The following PCDHA10 variants were observed in gnomAD, a reference collection of about 807,000 sequenced individuals.
PCDHA10 encodes protocadherin alpha 10, also known as protocadherin alpha-10.
Under a neutral mutation model 61.2 loss-of-function variants are expected in PCDHA10, and 45 were observed. The ratio of observed to expected loss-of-function variants is 0.74; its 90% CI spans 0.58 to 0.94. PCDHA10 has a LOEUF of 0.94. Ranked by LOEUF, PCDHA10 falls within the 40% of genes least tolerant of loss-of-function variation. The pLI is 0.00. For missense variants in PCDHA10, 1,278 were observed against 1,236.2 expected (o/e 1.03, Z -0.51); for synonymous variants, 602 against 548.8 (o/e 1.10, Z -1.35).
intron 1 of PCDHA10, among the ~76,000 whole-genome samples, chr5:140,975,553 G>A (rs990389718): frequency 6.6e-6 from 1 of 152,226 alleles, no homozygotes; most frequent in Non-Finnish European, 1.5e-5. Flanking sequence ...TATTAGGAAG[G>A]AAAAGGAGAT....
At chr5:140,989,060 G>A (rs1233023153) in intron 3 of PCDHA10, 1 of 152,138 alleles carries the variant, frequency 6.6e-6, no homozygotes, top group Non-Finnish European at 1.5e-5. Context: ...CTACATTGAG[G>A]CAATACAGTC....
chr5:141,008,597 C>T (rs1485271666), intron 3 of PCDHA10, among the ~76,000 whole-genome samples: 1 of 152,224 alleles, frequency 6.6e-6, no homozygotes, highest in East Asian at 1.9e-4. Flanking sequence ...GATTTCACCT[C>T]CTCTGGAACC....
At chr5:140,906,502 C>G (rs182726471) in intron 1 of PCDHA10, among the ~76,000 whole-genome samples, 2 of 152,298 alleles carry the variant, frequency 1.3e-5, no homozygotes, top group African/African-American at 4.8e-5. Context: ...ATGTTTTTAA[C>G]AAAGAAGGAG....
chr5:140,872,606 A>T (rs905903091), intron 1 of PCDHA10, among the ~76,000 whole-genome samples: 4 of 151,888 alleles, frequency 2.6e-5, no homozygotes, highest in Non-Finnish European at 4.4e-5. Context: ...TGAAAAAATA[A>T]TTTTTTTTGC....
At chr5:140,871,314 G>C (rs199741530) in intron 1 of PCDHA10, 3 of 1,614,048 alleles carry the variant, frequency 1.9e-6, no homozygotes, top group Admixed American at 3.3e-5. Flanking sequence ...GGAAGCCCAC[G>C]CTGGTGTGCT....
chr5:140,935,144 A>C (rs1289868558), intron 1 of PCDHA10, among the ~76,000 whole-genome samples: 1 of 152,184 alleles, frequency 6.6e-6, no homozygotes, highest in Non-Finnish European at 1.5e-5. Flanking sequence ...TGATACTTAG[A>C]GATATAATCT....
At chr5:140,882,150 C>A in intron 1 of PCDHA10, 1 of 1,501,768 alleles carries the variant, frequency 6.7e-7, no homozygotes, top group Non-Finnish European at 8.9e-7. Context: ...TAGCAGAAAG[C>A]GGAATACCTC....
chr5:140,911,760 A>T (rs1295639313), intron 1 of PCDHA10, among the ~76,000 whole-genome samples: 1 of 151,962 alleles, frequency 6.6e-6, no homozygotes, highest in Non-Finnish European at 1.5e-5. Flanking sequence ...TCTCCATACT[A>T]TTAGAAGTAC....
chr5:140,883,905 G>C (rs781818160), intron 1 of PCDHA10: 1 of 1,613,458 alleles, frequency 6.2e-7, no homozygotes, highest in South Asian at 1.1e-5. Flanking sequence ...CCGCCTCTGG[G>C]CAGCAACGTG....
chr5:140,986,587 C>G (rs1194407522), intron 3 of PCDHA10, among the ~76,000 whole-genome samples: 1 of 152,208 alleles, frequency 6.6e-6, no homozygotes, highest in East Asian at 1.9e-4. Flanking sequence ...TCCAGCTCCT[C>G]TTTCTACATT....
At chr5:140,962,384 A>G (rs1234630298) in intron 1 of PCDHA10, among the ~76,000 whole-genome samples, 7 of 152,202 alleles carry the variant, frequency 4.6e-5, no homozygotes, top group Non-Finnish European at 8.8e-5. Context: ...ATCTGTTAAT[A>G]TTACGCAATC....
chr5:140,954,209 T>C (rs2094996699), intron 1 of PCDHA10, among the ~76,000 whole-genome samples: 1 of 152,218 alleles, frequency 6.6e-6, no homozygotes, highest in Non-Finnish European at 1.5e-5. Context: ...GTTGATCCCA[T>C]GTTTTTGCTA....
chr5:140,972,820 C>A (rs1247488574), intron 1 of PCDHA10, among the ~76,000 whole-genome samples: 3 of 151,964 alleles, frequency 2.0e-5, no homozygotes, highest in Admixed American at 6.6e-5. Context: ...CGCGCCACCA[C>A]GCCTGGCTAA....
At chr5:140,981,019 T>A (rs1396794400) in intron 2 of PCDHA10, among the ~76,000 whole-genome samples, 1 of 152,242 alleles carries the variant, frequency 6.6e-6, no homozygotes, top group East Asian at 1.9e-4. Context: ...ACTTGAAGGC[T>A]GTTAATATTT....
intron 1 of PCDHA10, among the ~76,000 whole-genome samples, chr5:140,917,584 A>T (rs2153544569): frequency 6.6e-6 from 1 of 152,336 alleles, no homozygotes; most frequent in South Asian, 2.1e-4. Context: ...ATTTTTGTTC[A>T]TGCTGAAAGG....
At chr5:140,967,219 C>G in intron 1 of PCDHA10, 1 of 1,613,772 alleles carries the variant, frequency 6.2e-7, no homozygotes, top group Non-Finnish European at 8.5e-7. Flanking sequence ...TCCCGCGGCC[C>G]AACTACCAGC....
At chr5:140,883,332 T>C (rs2059555585) in intron 1 of PCDHA10, 3 of 1,614,174 alleles carry the variant, frequency 1.9e-6, no homozygotes, top group Non-Finnish European at 2.5e-6. Flanking sequence ...ATCACTTCTT[T>C]GTCACTCCCC....
At chr5:140,989,620 C>T (rs1197614071) in intron 3 of PCDHA10, among the ~76,000 whole-genome samples, 1 of 152,168 alleles carries the variant, frequency 6.6e-6, no homozygotes, top group African/African-American at 2.4e-5. Context: ...GAAAGTCTGT[C>T]CTAGTGACAG....
At chr5:140,874,144 T>C (rs1554167057) in intron 1 of PCDHA10, among the ~76,000 whole-genome samples, 2 of 152,244 alleles carry the variant, frequency 1.3e-5, no homozygotes. Context: ...CTTATACTTG[T>C]AGAGCCATTC....
Sources: gnomAD v4.1 joint callset for allele counts (sites outside exome capture counted in the v4.1 genomes callset) on GRCh38, gnomAD v4.1.1 for gene constraint, MANE v1.5 for transcripts, NCBI Gene and HGNC (gene_info 2026-07-23, HGNC 2026-07-21) for gene names.